The following PIK3AP1 variants were observed in gnomAD, a reference collection of about 807,000 sequenced individuals.
The protein encoded by PIK3AP1 is phosphoinositide-3-kinase adaptor protein 1.
In PIK3AP1, 21 loss-of-function variants were observed where a neutral mutation model predicts 88.1. That is an observed-to-expected ratio of 0.24 (90% CI 0.17 to 0.34). PIK3AP1 has a LOEUF of 0.34. Among genes scored for constraint, PIK3AP1 ranks in the 10% least tolerant of loss-of-function variants. The pLI is 1.00. For missense variants in PIK3AP1, 828 were observed against 1,035.7 expected, an observed-to-expected ratio of 0.80 and a Z score of 2.75; for synonymous variants, 398 against 400.0, an observed-to-expected ratio of 1.00 and a Z score of 0.06.
At chr10:96,673,297 G>T (rs1219694563) in intron 2 of PIK3AP1, among the ~76,000 whole-genome samples, 1 of 152,278 alleles carries the variant, frequency 6.6e-6, no homozygotes, top group South Asian at 2.1e-4. Flanking sequence ...CATCTACCAT[G>T]CACAGGCAAC....
At chr10:96,600,526 C>T (rs887547478) in intron 16 of PIK3AP1, among the ~76,000 whole-genome samples, 1 of 152,132 alleles carries the variant, frequency 6.6e-6, no homozygotes, top group Non-Finnish European at 1.5e-5. Flanking sequence ...AAAGCATGCC[C>T]GGTGGGTGTG....
At chr10:96,632,311 G>A (rs923470654) in intron 8 of PIK3AP1, among the ~76,000 whole-genome samples, 6 of 152,156 alleles carry the variant, frequency 3.9e-5, no homozygotes, top group African/African-American at 1.4e-4. Context: ...TTGTACTATG[G>A]TTATGTAAGA....
chr10:96,626,712 A>T lies in PIK3AP1; in HGVS notation c.1665T>A (p.Phe555Leu). ...ATCATTCCCTGCCATACTTGCCTTT[A>T]AAAATGTATGGTTCGTTGTCAGGCA... ...HQLPDNEPYI[F>L]KVFAEKSQER... is the part of the protein sequence containing the mutation. The change falls in exon 10 of 17, where the codon TTT (phenylalanine) becomes TTA (leucine). Residue 555 changes from phenylalanine to leucine, a missense_variant. Coordinates refer to ENST00000339364, the MANE Select transcript of PIK3AP1 (RefSeq NM_152309.3). 1 of 1,613,790 alleles carries T rather than the reference A, an allele frequency of 6.2e-7. No individual in the cohort carries two copies. Among genetic ancestry groups the T allele is most frequent in the Non-Finnish European group, 8.5e-7 (1 of 1,179,676 alleles).
intron 8 of PIK3AP1, among the ~76,000 whole-genome samples, chr10:96,635,947 C>T (rs1843306011): frequency 6.8e-6 from 1 of 147,914 alleles, no homozygotes; most frequent in Non-Finnish European, 1.5e-5. Flanking sequence ...GTGGCTCACG[C>T]CTGTAATCCC....
chr10:96,687,148 C>T (rs575969187), intron 2 of PIK3AP1, among the ~76,000 whole-genome samples: 3 of 146,816 alleles, frequency 2.0e-5, no homozygotes, highest in Admixed American at 7.0e-5. Context: ...CCCAGCTACT[C>T]GGGAGGCTGA....
At chr10:96,608,170 T>G (rs1316009347) in intron 14 of PIK3AP1, among the ~76,000 whole-genome samples, 1 of 152,190 alleles carries the variant, frequency 6.6e-6, no homozygotes, top group Non-Finnish European at 1.5e-5. Context: ...CTGAAATTAG[T>G]GCATTTCTCT....
rs1844441569 is a variant in PIK3AP1, at chr10:96,711,803, C to CGCAGTG, written c.14-1826_14-1821dup. Among the ~76,000 whole-genome samples, 3 of 128,910 alleles carry CGCAGTG rather than the reference C, an allele frequency of 2.3e-5. No homozygotes were observed. In the Admixed American group the frequency reaches 2.9e-4, roughly 12 times the overall value. The allele number at this position is 128,910 out of a possible 152,430, so 84.6% of individuals were successfully genotyped here. A position where few individuals can be genotyped will look rare whatever the true frequency, so the allele number is the denominator to read the frequency against. Reference sequence around the variant, plus strand: ...TCTCGCTCTGTCGCCCAGGCTGGAGCGCAGTGGCACGATCTCGGTTCACTG... The same window carrying CGCAGTG: ...TCTCGCTCTGTCGCCCAGGCTGGAGCGCAGTGGCAGTGGCACGATCTCGGTTCACTG... On this transcript the variant is annotated intron_variant, in intron 1 of 16. Coordinates refer to ENST00000339364, the MANE Select transcript of PIK3AP1 (RefSeq NM_152309.3).
chr10:96,632,813 TG>T, intron 8 of PIK3AP1: 1 of 1,549,734 alleles, frequency 6.5e-7, no homozygotes, highest in Non-Finnish European at 8.7e-7. Context: ...TTCCCACTTC[TG>T]GCTGTATTGA....
intron 12 of PIK3AP1, among the ~76,000 whole-genome samples, chr10:96,619,131 T>G (rs1022038852): frequency 6.6e-6 from 1 of 152,222 alleles, no homozygotes. Context: ...GTAATACTTA[T>G]TTCATATGCG....
At chr10:96,669,047 G>A (rs996563146) in intron 2 of PIK3AP1, among the ~76,000 whole-genome samples, 4 of 152,144 alleles carry the variant, frequency 2.6e-5, no homozygotes, top group African/African-American at 9.7e-5. Context: ...CAGGAGAATT[G>A]CTTGAACTCG....
intron 2 of PIK3AP1, among the ~76,000 whole-genome samples, chr10:96,677,908 A>G (rs569344): frequency 0.17 from 26,511 of 152,136 alleles, 3,333 homozygotes; most frequent in African/African-American, 0.34. Context: ...GAATTAGAAT[A>G]GAGAAATTGT....
chr10:96,667,378 C>G (rs1843778536), intron 2 of PIK3AP1, among the ~76,000 whole-genome samples: 1 of 152,216 alleles, frequency 6.6e-6, no homozygotes, highest in African/African-American at 2.4e-5. Flanking sequence ...CATAAACAAG[C>G]ATGGTTCTTA....
At chr10:96,608,342 A>G (rs900491898) in intron 14 of PIK3AP1, among the ~76,000 whole-genome samples, 2 of 152,176 alleles carry the variant, frequency 1.3e-5, no homozygotes, top group African/African-American at 4.8e-5. Flanking sequence ...CATCTCTCCC[A>G]TTCCTGAACT....
intron 1 of PIK3AP1, among the ~76,000 whole-genome samples, chr10:96,714,702 T>A (rs894034035): frequency 2.0e-5 from 3 of 152,182 alleles, no homozygotes; most frequent in Non-Finnish European, 4.4e-5. Flanking sequence ...AAAAATTCAA[T>A]GACAGGCATA....
In PIK3AP1 at chr10:96,620,553, C is replaced by T. The variant is rs757532501; in HGVS notation, c.1740G>A (p.Pro580=). 27 of 1,612,104 alleles carry T rather than the reference C, an allele frequency of 1.7e-5. No homozygotes were observed. Among genetic ancestry groups the T allele is most frequent in the South Asian group, 1.4e-4 (13 of 90,988 alleles). Residue 580 remains proline (P), a synonymous_variant, in exon 12 of 17, where the codon CCG becomes CCA. Coordinates refer to ENST00000339364, the MANE Select transcript of PIK3AP1 (RefSeq NM_152309.3). ...YVSSESIRKG[P]PVRPWRDRPQ... is the part of the protein sequence containing the mutation. ...GCCTGTCCCTCCATGGTCTGACGGG[C>T]GGCCCTGGAAAGGATGGCAAAACTC...
intron 3 of PIK3AP1, among the ~76,000 whole-genome samples, chr10:96,655,812 G>A (rs1279660650): frequency 6.6e-6 from 1 of 152,254 alleles, no homozygotes; most frequent in East Asian, 1.9e-4. Context: ...TGCTATGATT[G>A]TGAGGCCCCC....
intron 2 of PIK3AP1, among the ~76,000 whole-genome samples, chr10:96,688,241 G>A (rs528513915): frequency 6.6e-6 from 1 of 152,200 alleles, no homozygotes; most frequent in South Asian, 2.1e-4. Flanking sequence ...ATGAGGCCTT[G>A]CAAAAACACA....
At chr10:96,624,270 A>G (rs1334322430) in intron 10 of PIK3AP1, among the ~76,000 whole-genome samples, 1 of 152,174 alleles carries the variant, frequency 6.6e-6, no homozygotes, top group African/African-American at 2.4e-5. Context: ...CCATGTAAAC[A>G]CTCAGTGTTA....
In PIK3AP1 at chr10:96,720,183, C is replaced by T. The variant is rs1455487078; in HGVS notation, c.13+199G>A. On this transcript the variant is annotated intron_variant, in intron 1 of 16. Coordinates refer to ENST00000339364, the MANE Select transcript of PIK3AP1 (RefSeq NM_152309.3). The surrounding 1 kb of genome is among the most constrained non-coding windows in gnomAD (Gnocchi z 4.6). ...GGGCCAGGCAGGGGCTGAAGAGAAT[C>T]GCGCCACAGGCTGGGACGGGAAACG... is the stretch of plus-strand genomic sequence containing the variant. 6.6e-6 allele frequency among the ~76,000 whole-genome samples: 1 copy of T among 152,140 alleles called. No individual in the cohort carries two copies. The highest frequency in any genetic ancestry group is 1.5e-5 in the Non-Finnish European group (1 of 68,020).
Sources: allele counts gnomAD v4.1 joint callset (sites outside exome capture counted in the v4.1 genomes callset), GRCh38; gene constraint gnomAD v4.1.1; non-coding constraint Gnocchi (gnomAD v3.1); transcripts MANE v1.5; gene names NCBI Gene and HGNC (gene_info 2026-07-23, HGNC 2026-07-21).